The following AKAP6 variants were observed in gnomAD, a reference collection of about 807,000 sequenced individuals.
AKAP6 encodes the protein A-kinase anchoring protein 6, also known as A-kinase anchor protein 6.
Under a neutral mutation model 188.5 loss-of-function variants are expected in AKAP6, and 58 were observed. That is an observed-to-expected ratio of 0.31 (90% CI 0.25 to 0.38). AKAP6 has a LOEUF of 0.38. AKAP6 is among the 10% of genes least tolerant of loss of function. AKAP6 has a pLI of 1.00. For synonymous variants in AKAP6, 989 were observed against 998.6 expected, an observed-to-expected ratio of 0.99 and a Z score of 0.18; for missense variants, 2,710 against 2,740.0, an observed-to-expected ratio of 0.99 and a Z score of 0.24.
At chr14:32,449,127 C>A (rs1031272182) in intron 2 of AKAP6, among the ~76,000 whole-genome samples, 51 of 152,162 alleles carry the variant, frequency 3.4e-4, no homozygotes, top group Admixed American at 1.9e-3. Context: ...TTCCTTTACC[C>A]TCTACAAAGG....
chr14:32,475,526 T>C lies in AKAP6; in HGVS notation c.324+41709T>C, dbSNP rs138591850. 3.5e-3 allele frequency among the ~76,000 whole-genome samples: 538 copies of C among 152,268 alleles called. 5 individuals are homozygous for C. The highest frequency in any genetic ancestry group is 3.0e-3 in the Non-Finnish European group (207 of 68,018). ...TTGACAATTCTATGCAGAGCAAAGC[T>C]TCCAAAAAGGCATGCTATGAATTCT... On this transcript the variant is annotated intron_variant, in intron 2 of 13. Coordinates refer to ENST00000280979, the MANE Select transcript of AKAP6 (RefSeq NM_004274.5).
At chr14:32,802,920 A>C (rs2033987867) in intron 12 of AKAP6, among the ~76,000 whole-genome samples, 2 of 152,022 alleles carry the variant, frequency 1.3e-5, no homozygotes, top group Admixed American at 1.3e-4. Context: ...CAATATGGTG[A>C]AACCTCATTT....
chr14:32,352,945 A>G (rs745801221), intron 1 of AKAP6, among the ~76,000 whole-genome samples: 2 of 152,176 alleles, frequency 1.3e-5, no homozygotes, highest in Non-Finnish European at 2.9e-5. Flanking sequence ...TGGTAGTTCT[A>G]TTTTTAAGTT....
At chr14:32,790,213 G>A (rs1190207141) in intron 12 of AKAP6, among the ~76,000 whole-genome samples, 1 of 152,162 alleles carries the variant, frequency 6.6e-6, no homozygotes, top group Non-Finnish European at 1.5e-5. Context: ...TGAGAAATAT[G>A]AGATTATGTA....
chr14:32,724,375 C>T (rs1335108259), intron 9 of AKAP6, among the ~76,000 whole-genome samples: 5 of 152,180 alleles, frequency 3.3e-5, no homozygotes. Flanking sequence ...ATGATTGCAT[C>T]CATCTGCTCA....
chr14:32,351,740 A>C (rs899175024), intron 1 of AKAP6, among the ~76,000 whole-genome samples: 8 of 152,130 alleles, frequency 5.3e-5, no homozygotes, highest in African/African-American at 1.9e-4. Flanking sequence ...TTAGTGATAG[A>C]AATTGAATAT....
At chr14:32,535,956 G>C (rs1002077643) in intron 3 of AKAP6, 151 bp downstream of exon 3, 3 of 1,200,402 alleles carry the variant, frequency 2.5e-6, no homozygotes, top group Non-Finnish European at 3.4e-6. Flanking sequence ...TAGAAGCTAG[G>C]GCACTTCCAA....
intron 7 of AKAP6, among the ~76,000 whole-genome samples, chr14:32,640,352 T>TA (rs754411077): frequency 8.5e-5 from 13 of 152,104 alleles, no homozygotes; most frequent in Non-Finnish European, 1.8e-4. Flanking sequence ...AAATCATTTT[T>TA]AAAAAGCATT....
At chr14:32,373,707 A>T (rs1323307168) in intron 1 of AKAP6, among the ~76,000 whole-genome samples, 1 of 152,212 alleles carries the variant, frequency 6.6e-6, no homozygotes, top group East Asian at 1.9e-4. Flanking sequence ...CCCAGGAATC[A>T]ACAAGGACAG....
intron 1 of AKAP6, among the ~76,000 whole-genome samples, chr14:32,401,388 C>T (rs770198132): frequency 2.6e-5 from 4 of 152,134 alleles, no homozygotes; most frequent in Non-Finnish European, 5.9e-5. Context: ...TACAGAGTGC[C>T]GAAGCAAGTT....
intron 2 of AKAP6, among the ~76,000 whole-genome samples, chr14:32,517,502 T>G (rs970651131): frequency 1.4e-4 from 22 of 152,208 alleles, no homozygotes; most frequent in African/African-American, 2.4e-5. Context: ...CCCTAATAGC[T>G]GTGCTTTTCC....
At chr14:32,747,567 C>T (rs1370798982) in intron 11 of AKAP6, among the ~76,000 whole-genome samples, 1 of 152,126 alleles carries the variant, frequency 6.6e-6, no homozygotes, top group Non-Finnish European at 1.5e-5. Context: ...TTTTTCCCCA[C>T]CACATATTAA....
At chr14:32,708,290 C>T (rs749065881) in intron 9 of AKAP6, among the ~76,000 whole-genome samples, 4 of 151,768 alleles carry the variant, frequency 2.6e-5, no homozygotes, top group Non-Finnish European at 5.9e-5. Context: ...TGTGTGCTTC[C>T]GAAAATGTCG....
intron 1 of AKAP6, among the ~76,000 whole-genome samples, chr14:32,393,274 C>A (rs1888768813): frequency 6.6e-6 from 1 of 151,968 alleles, no homozygotes; most frequent in African/African-American, 2.4e-5. Flanking sequence ...GACAGTCTTG[C>A]CAAAAATGTA....
At chr14:32,748,002 A>G (rs1076750) in intron 11 of AKAP6, among the ~76,000 whole-genome samples, 86,122 of 152,036 alleles carry the variant, frequency 0.57, 26,553 homozygotes, top group Admixed American at 0.7. Context: ...AAGAGGAAAG[A>G]GAGATCTCAC....
At chr14:32,574,227 A>C (rs1884623818) in intron 4 of AKAP6, among the ~76,000 whole-genome samples, 2 of 152,172 alleles carry the variant, frequency 1.3e-5, no homozygotes, top group Non-Finnish European at 2.9e-5. Context: ...GCAAGAAAAG[A>C]GATAGGAAAT....
At chr14:32,824,945 A>G (rs2034637830) in intron 13 of AKAP6, 130 bp downstream of exon 13, 2 of 603,342 alleles carry the variant, frequency 3.3e-6, no homozygotes, top group South Asian at 3.6e-5. Flanking sequence ...ACATTTAGGT[A>G]GAAGAAATGC....
intron 1 of AKAP6, among the ~76,000 whole-genome samples, chr14:32,343,321 A>T (rs1886952853): frequency 6.6e-6 from 1 of 152,120 alleles, no homozygotes; most frequent in South Asian, 2.1e-4. Context: ...TGGTTAGTGG[A>T]GACCCAGATT....
At chr14:32,739,975 A>AT (rs1255780249) in intron 11 of AKAP6, among the ~76,000 whole-genome samples, 2 of 152,050 alleles carry the variant, frequency 1.3e-5, no homozygotes, top group African/African-American at 4.8e-5. Flanking sequence ...GGTTGTCCTA[A>AT]TTTACATTCC....
Sources: gnomAD v4.1 joint callset for allele counts (sites outside exome capture counted in the v4.1 genomes callset) on GRCh38, gnomAD v4.1.1 for gene constraint, MANE v1.5 for transcripts, NCBI Gene and HGNC (gene_info 2026-07-23, HGNC 2026-07-21) for gene names.